Variants in PARD3B observed in about 807,000 individuals in gnomAD.
The protein encoded by PARD3B is par-3 family cell polarity regulator beta, also known as partitioning defective 3 homolog B.
PARD3B carries 103 observed loss-of-function variants against 130.2 expected under a neutral mutation model. That is an observed-to-expected ratio of 0.79 (90% CI 0.67 to 0.93). The LOEUF (loss-of-function observed/expected upper bound fraction) is 0.93, where lower values mean the gene tolerates loss of function less well. Ranked by LOEUF, PARD3B falls within the 40% of genes least tolerant of loss-of-function variation. The probability of loss-of-function intolerance (pLI) is 0.00; values close to 1 mark genes in which losing one functional copy is unlikely to be tolerated. For synonymous variants in PARD3B, 583 were observed against 553.2 expected (o/e 1.05, Z -0.76); for missense variants, 1,609 against 1,499.2 (o/e 1.07, Z -1.21).
At chr2:205,136,389 A>T (rs1302457437) in intron 10 of PARD3B, among the ~76,000 whole-genome samples, 1 of 152,216 alleles carries the variant, frequency 6.6e-6, no homozygotes, top group Non-Finnish European at 1.5e-5. Flanking sequence ...ATTACATTAA[A>T]TTACATTAAA....
chr2:205,337,804 TC>T (rs1347652156), intron 18 of PARD3B, among the ~76,000 whole-genome samples: 1 of 152,190 alleles, frequency 6.6e-6, no homozygotes, highest in Non-Finnish European at 1.5e-5. Context: ...ACATTTTAGT[TC>T]ATTTATTTTA....
At chr2:205,058,564 A>G (rs753169533) in intron 4 of PARD3B, among the ~76,000 whole-genome samples, 1 of 152,002 alleles carries the variant, frequency 6.6e-6, no homozygotes, top group African/African-American at 2.4e-5. Flanking sequence ...CCAACATTGC[A>G]CAAGAGTTCC....
chr2:204,913,868 G>A (rs889213754), intron 2 of PARD3B, among the ~76,000 whole-genome samples: 2 of 152,138 alleles, frequency 1.3e-5, no homozygotes, highest in African/African-American at 4.8e-5. Context: ...TCTACTTAAC[G>A]GACAGAACTG....
intron 16 of PARD3B, among the ~76,000 whole-genome samples, chr2:205,286,815 C>T (rs2041412952): frequency 6.6e-6 from 1 of 152,178 alleles, no homozygotes. Context: ...TAATTAATGT[C>T]ATTGTAGATA....
At chr2:205,104,316 C>A in intron 4 of PARD3B, 110 bp from the exon 5 acceptor site, 2 of 701,262 alleles carry the variant, frequency 2.9e-6, no homozygotes, top group South Asian at 1.9e-5. Flanking sequence ...TTAGAGCATA[C>A]TGTATATATC....
At chr2:205,103,189 T>TA (rs1702923119) in intron 4 of PARD3B, among the ~76,000 whole-genome samples, 1 of 146,252 alleles carries the variant, frequency 6.8e-6, no homozygotes, top group Non-Finnish European at 1.5e-5. Flanking sequence ...AAAGTAAACA[T>TA]TTTATATTTA....
At chr2:204,640,151 G>A (rs574628347) in intron 1 of PARD3B, among the ~76,000 whole-genome samples, 1 of 152,108 alleles carries the variant, frequency 6.6e-6, no homozygotes, top group Non-Finnish European at 1.5e-5. Flanking sequence ...ATACTTGGGA[G>A]GCTGATATAG....
At chr2:204,576,244 C>G (rs768968864) in intron 1 of PARD3B, among the ~76,000 whole-genome samples, 3 of 152,174 alleles carry the variant, frequency 2.0e-5, no homozygotes, top group Non-Finnish European at 4.4e-5. Flanking sequence ...CTCTGGCCAG[C>G]AGGCTGGGGT....
At position 205,198,175 on chromosome 2, in the gene PARD3B, C is replaced by T. The variant is rs547301404; in HGVS notation, c.2140+4855C>T. ...CACAAGATACTGTTTTTAGAGTTTT[C>T]TATCCTGTTTCACATTGGCCTCCCA... On this transcript the variant is annotated intron_variant, in intron 15 of 22. Transcript: ENST00000406610. 1.2e-4 allele frequency among the ~76,000 whole-genome samples: 18 copies of T among 152,272 alleles called. No individual in the cohort carries two copies. In the East Asian group the frequency reaches 3.3e-3, roughly 28 times the overall value.
At chr2:205,045,678 CT>C (rs1001187354) in intron 3 of PARD3B, among the ~76,000 whole-genome samples, 45 of 151,956 alleles carry the variant, frequency 3.0e-4, no homozygotes, top group African/African-American at 1.1e-3. Context: ...CCTACTGTGG[CT>C]TTTTTAAAGA....
chr2:204,764,836 A>G (rs1017540366), intron 2 of PARD3B, among the ~76,000 whole-genome samples: 22 of 151,836 alleles, frequency 1.4e-4, no homozygotes. Flanking sequence ...TATAAACCTC[A>G]TATTTAAATT....
At chr2:204,823,243 T>C (rs551375603) in intron 2 of PARD3B, among the ~76,000 whole-genome samples, 2 of 152,258 alleles carry the variant, frequency 1.3e-5, no homozygotes, top group South Asian at 2.1e-4. Flanking sequence ...GGAACTGTTA[T>C]GGACTGCCAC....
rs561666790 is a variant in PARD3B at position 205,158,521 on chromosome 2, A to G, written c.1435-201A>G. 6.6e-6 allele frequency among the ~76,000 whole-genome samples: 1 copy of G among 152,110 alleles called. No individual in the cohort carries two copies. Among genetic ancestry groups the G allele is most frequent in the East Asian group, 1.9e-4 (1 of 5,172 alleles). ...CCATTACCGAATAGTATTCCCTGAA[A>G]CCTCTTCCCCTGCTCCATGGATGTG... On this transcript the variant is annotated intron_variant, in intron 10 of 22. Coordinates refer to ENST00000406610, the MANE Select transcript of PARD3B (RefSeq NM_001302769.2). The surrounding 1 kb of genome is among the most constrained non-coding windows in gnomAD (Gnocchi z 5.4).
At chr2:205,359,160 G>A (rs10490292) in intron 18 of PARD3B, among the ~76,000 whole-genome samples, 90,776 of 151,996 alleles carry the variant, frequency 0.6, 30,510 homozygotes, top group South Asian at 0.77. Context: ...GGTTTCCATC[G>A]CTTTAACTTT....
intron 1 of PARD3B, among the ~76,000 whole-genome samples, chr2:204,548,020 C>T (rs936785882): frequency 2.0e-5 from 3 of 152,082 alleles, no homozygotes; most frequent in African/African-American, 7.2e-5. Flanking sequence ...AATCCTTCCT[C>T]TTATTTTCAC....
At chr2:204,765,951 A>G (rs2041125562) in intron 2 of PARD3B, among the ~76,000 whole-genome samples, 1 of 152,234 alleles carries the variant, frequency 6.6e-6, no homozygotes, top group Non-Finnish European at 1.5e-5. Flanking sequence ...TGAAGGAAGC[A>G]GTTAATAGTA....
chr2:205,215,403 A>G (rs2037856932), intron 15 of PARD3B, among the ~76,000 whole-genome samples: 1 of 152,004 alleles, frequency 6.6e-6, no homozygotes, highest in South Asian at 2.1e-4. Context: ...GTTCTTTGTC[A>G]TTCAAGAGAA....
At chr2:205,184,559 G>A (rs1297798551) in intron 13 of PARD3B, among the ~76,000 whole-genome samples, 4 of 151,960 alleles carry the variant, frequency 2.6e-5, no homozygotes, top group South Asian at 4.2e-4. Context: ...TGGCTAACAC[G>A]GTGAAACCCC....
intron 2 of PARD3B, among the ~76,000 whole-genome samples, chr2:204,859,807 ACT>A (rs1392434319): frequency 1.3e-5 from 2 of 151,962 alleles, no homozygotes; most frequent in Non-Finnish European, 2.9e-5. Flanking sequence ...AAATCCTGAA[ACT>A]CTCTTCCTTT....
Sources: allele counts gnomAD v4.1 joint callset (sites outside exome capture counted in the v4.1 genomes callset), GRCh38; gene constraint gnomAD v4.1.1; non-coding constraint Gnocchi (gnomAD v3.1); transcripts MANE v1.5; gene names NCBI Gene and HGNC (gene_info 2026-07-23, HGNC 2026-07-21).